The following WNK1 variants were observed in gnomAD, a reference collection of about 807,000 sequenced individuals.
The protein encoded by WNK1 is serine/threonine-protein kinase WNK1.
WNK1 carries 38 observed loss-of-function variants against 222.8 expected under a neutral mutation model. The ratio of observed to expected loss-of-function variants is 0.17; its 90% CI spans 0.13 to 0.22. The LOEUF is 0.22. WNK1 is among the 10% of genes least tolerant of loss of function. The probability of loss-of-function intolerance (pLI) is 1.00; values close to 1 mark genes in which losing one functional copy is unlikely to be tolerated. For synonymous variants in WNK1, 1,090 were observed against 1,092.9 expected (o/e 1.00, Z 0.05); for missense variants, 2,348 against 2,918.4 (o/e 0.80, Z 4.50).
chr12:878,405 T>TGAAAGGGTGCTAAAAGGG (rs1322369522), intron 10 of WNK1, 44 bp downstream of exon 10: 1 of 1,586,134 alleles, frequency 6.3e-7, no homozygotes, highest in African/African-American at 1.4e-5. Context: ...TCTTAATTTC[T>TGAAAGGGTGCTAAAAGGG]GAAAGGGTGC....
chr12:865,744 A>G (rs1329009374), intron 8 of WNK1, among the ~76,000 whole-genome samples: 58 of 151,536 alleles, frequency 3.8e-4, no homozygotes, highest in Admixed American at 3.8e-3. Flanking sequence ...TTACCCAAAC[A>G]TTTTTTCTCC....
At position 865,095 on chromosome 12, in the gene WNK1, T is replaced by C. The variant is rs1394355102; in HGVS notation, c.2139+2825T>C. Reference sequence around the variant, plus strand: ...AGTACTGTGTTTTTCATGTGTGTGTTTGTTTTGTGTTGAGCCTCGTCGTGG... The same window carrying C: ...AGTACTGTGTTTTTCATGTGTGTGTCTGTTTTGTGTTGAGCCTCGTCGTGG... On this transcript the variant is annotated intron_variant, in intron 8 of 27. Transcript: ENST00000315939. 17 of 1,497,568 alleles carry C rather than the reference T, an allele frequency of 1.1e-5. No individual in the cohort carries two copies. The highest frequency in any genetic ancestry group is 1.5e-5 in the Non-Finnish European group (17 of 1,125,324). The allele number at this position is 1,497,568 out of a possible 1,614,324, so 92.8% of individuals were successfully genotyped here. A position where few individuals can be genotyped will look rare whatever the true frequency, so the allele number is the denominator to read the frequency against.
Position 879,891 on chromosome 12 carries a change from A to G in WNK1, c.2692A>G (p.Thr898Ala), listed in dbSNP as rs777908830. The change falls in exon 11 of 28, where the codon ACC becomes GCC. Residue 898 changes from threonine (T) to alanine (A), a missense_variant. Physicochemically the swap from Thr to Ala is moderately conservative, Grantham distance 58. This residue lies in a region of WNK1 where 547 missense variants were observed against 558.3 expected (regional missense o/e 0.98). Coordinates refer to ENST00000315939, the MANE Select transcript of WNK1 (RefSeq NM_018979.4). The part of the protein sequence containing the change: ...VSTVVPSQLP[T>A]LLQPVTQLPS... The stretch of plus-strand genomic sequence containing the variant: ...AACTGTGGTTCCTAGTCAGCTTCCA[A>G]CCCTTCTGCAGCCTGTGACTCAGCT... 5.0e-6 allele frequency: 8 copies of G among 1,613,686 alleles called. No individual in the cohort carries two copies. The highest frequency in any genetic ancestry group is 6.8e-6 in the Non-Finnish European group (8 of 1,179,950).
chr12:867,124 A>T (rs1951741418), intron 8 of WNK1, among the ~76,000 whole-genome samples: 1 of 152,200 alleles, frequency 6.6e-6, no homozygotes, highest in African/African-American at 2.4e-5. Flanking sequence ...CCATCTCAAA[A>T]AAAAGAAAAA....
At chr12:830,283 G>GT in intron 4 of WNK1, 123 bp downstream of exon 4, 1 of 1,129,586 alleles carries the variant, frequency 8.9e-7, no homozygotes. Flanking sequence ...AACTGTTGGG[G>GT]TTGGGGGGGT....
At chr12:896,942 T>G (rs1954801109) in intron 24 of WNK1, among the ~76,000 whole-genome samples, 2 of 129,360 alleles carry the variant, frequency 1.5e-5, no homozygotes, top group East Asian at 2.3e-4. Context: ...ACACACACGA[T>G]TCCCAACCAC....
rs998911242 is a variant in WNK1, at chr12:827,621, C to G, written c.1153+359C>G. 4.1e-6 allele frequency: 1 copy of G among 246,234 alleles called. No individual in the cohort carries two copies. Among genetic ancestry groups the G allele is most frequent in the Admixed American group, 4.9e-5 (1 of 20,210 alleles). The allele number at this position is 246,234 out of a possible 1,614,324, so 15.3% of individuals were successfully genotyped here. On this transcript the variant is annotated intron_variant, in intron 3 of 27. Transcript: ENST00000315939. This position sits in a 1 kb window ranked among gnomAD's most constrained non-coding sequence, Gnocchi z 4.6. Reference sequence around the variant, plus strand: ...TCAGCTCACTGCAACCTCCACCCACCGGGTTCAAGCGATTCTTGTGCCTCA... The same window carrying G: ...TCAGCTCACTGCAACCTCCACCCACGGGGTTCAAGCGATTCTTGTGCCTCA...
In WNK1 at chr12:759,714, G is replaced by T. The variant is rs554216995; in HGVS notation, c.759+5390G>T. 1.2e-4 allele frequency among the ~76,000 whole-genome samples: 18 copies of T among 147,872 alleles called. 2 individuals are homozygous for T. The South Asian group carries it at 4.0e-3, about 33-fold the overall frequency. ...TTATGTTTGAAGAGGCCATTTTTCT[G>T]CCTTGTAACATAGTAGTTAAGAACT... On this transcript the variant is annotated intron_variant, in intron 1 of 27. Coordinates refer to ENST00000315939, the MANE Select transcript of WNK1 (RefSeq NM_018979.4).
intron 1 of WNK1, among the ~76,000 whole-genome samples, chr12:809,261 C>G (rs946963459): frequency 2.2e-5 from 2 of 90,614 alleles, no homozygotes; most frequent in African/African-American, 8.6e-5. Flanking sequence ...TTTTTTTGGT[C>G]TTTCTGAAAC....
At position 889,144 on chromosome 12, in the gene WNK1, A is replaced by G. The variant is rs769694100; in HGVS notation, c.5369A>G (p.Gln1790Arg). The G allele has an allele frequency of 6.2e-7, 1 of 1,614,096 alleles. No individual in the cohort carries two copies. Among genetic ancestry groups the G allele is most frequent in the Admixed American group, 1.7e-5 (1 of 60,028 alleles). Reference sequence around the variant, plus strand: ...ACTGTGATTGTTTTCATTCAGTCCCAGCAACCTCTAGAGGATCTTGATGCT... The same window carrying G: ...ACTGTGATTGTTTTCATTCAGTCCCGGCAACCTCTAGAGGATCTTGATGCT... ...PFPGPSLTQS[Q>R]QPLEDLDAQL... Residue 1790 changes from glutamine to arginine, a missense_variant, in exon 21 of 28, where the codon CAG becomes CGG. Gln to Arg is a conservative substitution (Grantham distance 43). Around this residue, in one of 13 missense-constraint regions of WNK1, gnomAD observed 1,144 missense variants for 1,273.6 expected, o/e 0.90. Transcript: ENST00000315939.
At position 806,011 on chromosome 12, in the gene WNK1, G is replaced by T. The variant is rs565882249; in HGVS notation, c.760-7631G>T. ...ACTTCTCCTGATGACTTCTTCAACA[G>T]CCTATTTCAGCCTGTGAAACATATT... On this transcript the variant is annotated intron_variant, in intron 1 of 27. Transcript: ENST00000315939. Among the ~76,000 whole-genome samples, 20 of 152,220 alleles carry T rather than the reference G, an allele frequency of 1.3e-4. No individual in the cohort carries two copies. The South Asian group carries it at 3.9e-3, about 30-fold the overall frequency.
At position 827,375 on chromosome 12, in the gene WNK1, G is replaced by C. The variant is rs1948430156; in HGVS notation, c.1153+113G>C. 2.2e-6 allele frequency: 2 copies of C among 905,162 alleles called. No individual in the cohort carries two copies. The highest frequency in any genetic ancestry group is 3.6e-6 in the Non-Finnish European group (2 of 551,784). 56.1% of individuals were successfully genotyped at this position (905,162 alleles called of 1,614,324 possible). On this transcript the variant is annotated intron_variant, in intron 3 of 27. Coordinates refer to ENST00000315939, the MANE Select transcript of WNK1 (RefSeq NM_018979.4). The surrounding 1 kb of genome is among the most constrained non-coding windows in gnomAD (Gnocchi z 4.6). Reference sequence around the variant, plus strand: ...ATAAACCTTAAGAAATTCATAGCTTGAACTCAGGAGGTGATCCATTGTACT... The same window carrying C: ...ATAAACCTTAAGAAATTCATAGCTTCAACTCAGGAGGTGATCCATTGTACT...
rs1946754685 is a variant in WNK1, at chr12:809,956, A to G, written c.760-3686A>G. Among the ~76,000 whole-genome samples the G allele has an allele frequency of 2.0e-5, 3 of 152,072 alleles. No individual in the cohort carries two copies. In the East Asian group the frequency reaches 5.8e-4, roughly 29 times the overall value. On this transcript the variant is annotated intron_variant, in intron 1 of 27. Transcript: ENST00000315939. ...CCCAACAACAATTAGTATCACTTTAAAAGATAAAATAGAGGCCGGGCACGG... is the reference window on the plus strand; with the variant it reads ...CCCAACAACAATTAGTATCACTTTAGAAGATAAAATAGAGGCCGGGCACGG...
At chr12:871,207 C>T in intron 8 of WNK1, 58 bp from the exon 9 acceptor site, 1 of 1,491,508 alleles carries the variant, frequency 6.7e-7, no homozygotes, top group East Asian at 2.3e-5. Context: ...AAAAGCCTGA[C>T]CTCTATACAC....
At chr12:895,983 G>A (rs1954705161) in intron 23 of WNK1, 88 bp from the exon 24 acceptor site, 2 of 1,563,842 alleles carry the variant, frequency 1.3e-6, no homozygotes, top group African/African-American at 2.7e-5. Flanking sequence ...GGGAAATAAA[G>A]TGATTCTTTT....
intron 1 of WNK1, among the ~76,000 whole-genome samples, chr12:757,309 C>CTTT (rs946901263): frequency 6.0e-5 from 5 of 83,594 alleles, no homozygotes; most frequent in East Asian, 3.8e-4. Flanking sequence ...AGCATCAATT[C>CTTT]TTTTTTTTTT....
chr12:879,942 C>G lies in WNK1; in HGVS notation c.2743C>G (p.Leu915Val), dbSNP rs766385883. The change falls in exon 11 of 28, where the codon CTA (leucine) becomes GTA (valine). Residue 915 changes from leucine to valine, a missense_variant. By Grantham distance (32) the Leu-to-Val change is conservative. Transcript: ENST00000315939. ...QLPSQVHPQL[L>V]QPAVQSMGIP... The stretch of plus-strand genomic sequence containing the variant: ...GCCAAGTCAGGTTCACCCACAGCTC[C>G]TACAACCAGCAGTTCAGTCCATGGG... The G allele has an allele frequency of 6.2e-7, 1 of 1,614,168 alleles. No homozygotes were observed. The highest frequency in any genetic ancestry group is 2.2e-5 in the East Asian group (1 of 44,882).
Position 867,904 on chromosome 12 carries a change from A to T in WNK1, c.2140-3361A>T, listed in dbSNP as rs576636052. 22 of 1,614,058 alleles carry T rather than the reference A, an allele frequency of 1.4e-5. No individual in the cohort carries two copies. The African/African-American group carries it at 2.8e-4, about 21-fold the overall frequency. ...CGCATCCGTGTGGGGGGACCCCAACATACCCAGAATCACAGATATTTTTCC... is the reference window on the plus strand; with the variant it reads ...CGCATCCGTGTGGGGGGACCCCAACTTACCCAGAATCACAGATATTTTTCC... On this transcript the variant is annotated intron_variant, in intron 8 of 27. Coordinates refer to ENST00000315939, the MANE Select transcript of WNK1 (RefSeq NM_018979.4).
At chr12:842,498 T>C (rs1166974867) in intron 4 of WNK1, among the ~76,000 whole-genome samples, 1 of 152,168 alleles carries the variant, frequency 6.6e-6, no homozygotes, top group Admixed American at 6.5e-5. Flanking sequence ...TATTTTATTT[T>C]TTTAGGTATT....
Sources: gnomAD v4.1 joint callset for allele counts (sites outside exome capture counted in the v4.1 genomes callset) on GRCh38, gnomAD v4.1.1 for gene constraint, gnomAD v4.1.1 regional missense constraint, Gnocchi (gnomAD v3.1) non-coding constraint, MANE v1.5 for transcripts, NCBI Gene and HGNC (gene_info 2026-07-23, HGNC 2026-07-21) for gene names.